The following ZSCAN20 variants were observed in gnomAD, a reference collection of about 807,000 sequenced individuals.
The protein encoded by ZSCAN20 is zinc finger and SCAN domain containing 20, also known as zinc finger and SCAN domain-containing protein 20.
Under a neutral mutation model 97.1 loss-of-function variants are expected in ZSCAN20, and 39 were observed. The observed-to-expected ratio is 0.40, with a 90% CI of 0.31 to 0.52. ZSCAN20 has a LOEUF of 0.52. Among genes scored for constraint, ZSCAN20 ranks in the 20% least tolerant of loss-of-function variants. The pLI is 0.49. For synonymous variants in ZSCAN20, 456 were observed against 467.3 expected (o/e 0.98, Z 0.31); for missense variants, 1,115 against 1,290.4 (o/e 0.86, Z 2.08).
At chr1:33,476,274 T>C (rs1651936618) in intron 1 of ZSCAN20, among the ~76,000 whole-genome samples, 1 of 152,166 alleles carries the variant, frequency 6.6e-6, no homozygotes, top group South Asian at 2.1e-4. Context: ...CTCCCCACAA[T>C]AGCCTGCTAT....
rs1652633568 is a variant in ZSCAN20, at chr1:33,491,872, G to A, written c.1444+170G>A. ...TCCAACTTTCTTTTCCCATGACCAA[G>A]TCTCTTTGCAAAAGTCTTCTTAGTT... On this transcript the variant is annotated intron_variant, in intron 6 of 7. Coordinates refer to ENST00000684572, the MANE Select transcript of ZSCAN20 (RefSeq NM_001377376.1). The surrounding 1 kb of genome is among the most constrained non-coding windows in gnomAD (Gnocchi z 4.3). 5.0e-6 allele frequency: 3 copies of A among 597,084 alleles called. No individual in the cohort carries two copies. The Admixed American group carries it at 1.1e-4, about 22-fold the overall frequency. 37.0% of individuals were successfully genotyped at this position (597,084 alleles called of 1,614,324 possible). A position where few individuals can be genotyped will look rare whatever the true frequency, so the allele number is the denominator to read the frequency against.
Position 33,499,967 on chromosome 1 carries a change from A to C in ZSCAN20, c.*4491A>C, listed in dbSNP as rs540700279. Among the ~76,000 whole-genome samples, 4 of 152,166 alleles carry C rather than the reference A, an allele frequency of 2.6e-5. No individual in the cohort carries two copies. The highest frequency in any genetic ancestry group is 9.6e-5 in the African/African-American group (4 of 41,522). On this transcript the variant is annotated 3_prime_UTR_variant, in exon 8 of 8. Coordinates refer to ENST00000684572, the MANE Select transcript of ZSCAN20 (RefSeq NM_001377376.1). The stretch of plus-strand genomic sequence containing the variant: ...TCAAGCCCCTGCCCCAATCTGCTAC[A>C]AGGGGTTAGTGTTCCATGCAGTGGG...
chr1:33,475,080 T>C (rs1247449680), intron 1 of ZSCAN20, among the ~76,000 whole-genome samples: 1 of 152,206 alleles, frequency 6.6e-6, no homozygotes, highest in Non-Finnish European at 1.5e-5. Context: ...GTCTGCTCAC[T>C]CCTGCCTTAA....
In ZSCAN20 at chr1:33,491,128, C is replaced by T. The variant is rs752052442; in HGVS notation, c.870C>T (p.Tyr290=). ...CTGGGAAAAGGAGCACTGCAGATTA[C>T]AGCCTGGATAATGAGCCAGCTCAGG... ...INSGKRSTAD[Y]SLDNEPAQAL... The change falls in exon 6 of 8, where the codon TAC becomes TAT. Residue 290 remains tyrosine, a synonymous_variant. Coordinates refer to ENST00000684572, the MANE Select transcript of ZSCAN20 (RefSeq NM_001377376.1). The surrounding 1 kb of genome is among the most constrained non-coding windows in gnomAD (Gnocchi z 4.3). 64 of 1,613,822 alleles carry T rather than the reference C, an allele frequency of 4.0e-5. No individual in the cohort carries two copies. The Admixed American group carries it at 7.8e-4, about 20-fold the overall frequency.
Position 33,489,197 on chromosome 1 carries a change from C to T in ZSCAN20, c.681+6C>T. 6.2e-7 allele frequency: 1 copy of T among 1,613,194 alleles called. No homozygotes were observed. The highest frequency in any genetic ancestry group is 1.1e-5 in the South Asian group (1 of 90,878). On this transcript the variant is annotated splice_donor_region_variant and intron_variant, in intron 4 of 7. Transcript: ENST00000684572. Reference sequence around the variant, plus strand: ...AGGTGACAGCTGAGTCCCAGGTAAGCTGTTACTCGTTCTTCCTTTCCTGTC... The same window carrying T: ...AGGTGACAGCTGAGTCCCAGGTAAGTTGTTACTCGTTCTTCCTTTCCTGTC...
In ZSCAN20 at chr1:33,497,059, C is replaced by T. The variant is rs1245596386; in HGVS notation, c.*1583C>T. Among the ~76,000 whole-genome samples the T allele has an allele frequency of 1.3e-5, 2 of 152,198 alleles. No individual in the cohort carries two copies. The highest frequency in any genetic ancestry group is 6.5e-5 in the Admixed American group (1 of 15,280). On this transcript the variant is annotated 3_prime_UTR_variant, in exon 8 of 8. Coordinates refer to ENST00000684572, the MANE Select transcript of ZSCAN20 (RefSeq NM_001377376.1). ...TATGACACTAGGATGTATTCATAACCTGCTTGGTTCATGGGCTGGGGAAGT... is the reference window on the plus strand; with the variant it reads ...TATGACACTAGGATGTATTCATAACTTGCTTGGTTCATGGGCTGGGGAAGT...
At position 33,479,297 on chromosome 1, in the gene ZSCAN20, G is replaced by C. The variant is rs1349858987; in HGVS notation, c.9G>C (p.Met3Ile). 2 of 1,605,482 alleles carry C rather than the reference G, an allele frequency of 1.2e-6. No individual in the cohort carries two copies. Among genetic ancestry groups the C allele is most frequent in the Non-Finnish European group, 1.7e-6 (2 of 1,175,308 alleles). Residue 3 changes from methionine to isoleucine, a missense_variant, in exon 2 of 8, where the codon ATG (methionine) becomes ATC (isoleucine). This residue lies in a region of ZSCAN20 where 508 missense variants were observed against 611.2 expected (regional missense o/e 0.83). Transcript: ENST00000684572. ...GGTGTCTGGGTTAGACAATGGCTAT[G>C]GCCCTGGAATTGCAAGCCCAGGCAT... MA[M>I]ALELQAQASP...
rs549655697 is a variant in ZSCAN20 at position 33,495,665 on chromosome 1, T to C, written c.*189T>C. ...CCAGATTTGAAGGCACTTTTAAGTGTAATTTGTTTTTCTTCTGTAAAGACC... is the reference window on the plus strand; with the variant it reads ...CCAGATTTGAAGGCACTTTTAAGTGCAATTTGTTTTTCTTCTGTAAAGACC... On this transcript the variant is annotated 3_prime_UTR_variant, in exon 8 of 8. Transcript: ENST00000684572. 49 of 479,996 alleles carry C rather than the reference T, an allele frequency of 1.0e-4. No homozygotes were observed. Among genetic ancestry groups the C allele is most frequent in the Non-Finnish European group, 1.4e-4 (42 of 290,280 alleles). 29.7% of individuals were successfully genotyped at this position (479,996 alleles called of 1,614,324 possible). A position where few individuals can be genotyped will look rare whatever the true frequency, so the allele number is the denominator to read the frequency against.
intron 4 of ZSCAN20, 118 bp from the exon 5 acceptor site, chr1:33,489,400 C>A: frequency 1.8e-6 from 2 of 1,116,448 alleles, no homozygotes; most frequent in Non-Finnish European, 2.6e-6. Flanking sequence ...CCTTATGATG[C>A]CAGCTTCACA....
intron 2 of ZSCAN20, among the ~76,000 whole-genome samples, chr1:33,481,015 A>G (rs1570548744): frequency 1.3e-5 from 2 of 152,214 alleles, no homozygotes; most frequent in East Asian, 3.9e-4. Context: ...GGTTTTCTGT[A>G]CATTTAAACT....
At chr1:33,475,579 C>T (rs1651890238) in intron 1 of ZSCAN20, among the ~76,000 whole-genome samples, 1 of 152,198 alleles carries the variant, frequency 6.6e-6, no homozygotes, top group African/African-American at 2.4e-5. Context: ...TCCTAGGTGC[C>T]ACCACCACAT....
chr1:33,476,141 G>A (rs923478073), intron 1 of ZSCAN20, among the ~76,000 whole-genome samples: 1 of 152,172 alleles, frequency 6.6e-6, no homozygotes, highest in African/African-American at 2.4e-5. Context: ...CTTAGAAATT[G>A]CTGGTCCTAA....
At chr1:33,483,199 C>T (rs1376912621) in intron 2 of ZSCAN20, among the ~76,000 whole-genome samples, 1 of 149,412 alleles carries the variant, frequency 6.7e-6, no homozygotes, top group Admixed American at 6.7e-5. Context: ...TTCATTTTAA[C>T]GTTAAGGTCT....
rs1206409793 is a variant in ZSCAN20 at position 33,501,523 on chromosome 1, C to T, written c.*6047C>T. ...TTTTATTTGGCTTTGCTTTCACTTC[C>T]CCATTTTCTGTTATTTTTTTTTTTT... On this transcript the variant is annotated 3_prime_UTR_variant, in exon 8 of 8. Transcript: ENST00000684572. 1.4e-5 allele frequency among the ~76,000 whole-genome samples: 2 copies of T among 145,676 alleles called. No individual in the cohort carries two copies. The highest frequency in any genetic ancestry group is 5.2e-5 in the African/African-American group (2 of 38,120).
At position 33,489,122 on chromosome 1, in the gene ZSCAN20, C is replaced by T. The variant is rs771393935; in HGVS notation, c.612C>T (p.Leu204=). 1.9e-6 allele frequency: 3 copies of T among 1,612,098 alleles called. No homozygotes were observed. Among genetic ancestry groups the T allele is most frequent in the Non-Finnish European group, 2.5e-6 (3 of 1,178,598 alleles). ...APQPLKESAV[L]TPRVPTLPKM... ...ACTTTTTCTTTTCCTCAGCTGTCCT[C>T]ACTCCCCGAGTCCCTACTCTCCCAA... is the stretch of plus-strand genomic sequence containing the variant. The change falls in exon 4 of 8, where the codon CTC becomes CTT. Residue 204 remains leucine (L), a synonymous_variant. Transcript: ENST00000684572.
chr1:33,488,699 A>C, intron 3 of ZSCAN20, 48 bp downstream of exon 3: 1 of 1,571,504 alleles, frequency 6.4e-7, no homozygotes, highest in Non-Finnish European at 8.6e-7. Context: ...TGCAGGGGAG[A>C]GGGATGGGAG....
rs769670597 is a variant in ZSCAN20 at position 33,479,541 on chromosome 1, C to A, written c.253C>A (p.Arg85Ser). The change falls in exon 2 of 8, where the codon CGT (arginine) becomes AGT (serine). Residue 85 changes from arginine to serine, a missense_variant. Arg to Ser is a moderately radical substitution (Grantham distance 110). Around this residue, in one of 3 missense-constraint regions of ZSCAN20, gnomAD observed 508 missense variants for 611.2 expected, o/e 0.83. Coordinates refer to ENST00000684572, the MANE Select transcript of ZSCAN20 (RefSeq NM_001377376.1). ...CTGTCGTTGGCTGAGGCCGGAGATCCGTCTCAAAGAGCAGATCCTGGAGCT... is the reference window on the plus strand; with the variant it reads ...CTGTCGTTGGCTGAGGCCGGAGATCAGTCTCAAAGAGCAGATCCTGGAGCT... The part of the protein sequence containing the change: ...LCCRWLRPEI[R>S]LKEQILELLV... The A allele has an allele frequency of 1.9e-6, 3 of 1,613,418 alleles. No homozygotes were observed. The highest frequency in any genetic ancestry group is 2.5e-6 in the Non-Finnish European group (3 of 1,179,542).
rs766823445 is a variant in ZSCAN20, at chr1:33,491,123, G to A, written c.865G>A (p.Asp289Asn). ...AAATTCTGGGAAAAGGAGCACTGCA[G>A]ATTACAGCCTGGATAATGAGCCAGC... Reference protein sequence around the residue: ...LINSGKRSTADYSLDNEPAQA... With the variant: ...LINSGKRSTANYSLDNEPAQA... Residue 289 changes from aspartate (D) to asparagine (N), a missense_variant, in exon 6 of 8, where the codon GAT (aspartate) becomes AAT (asparagine). By Grantham distance (23) the Asp-to-Asn change is conservative (BLOSUM62 1). Coordinates refer to ENST00000684572, the MANE Select transcript of ZSCAN20 (RefSeq NM_001377376.1). This position sits in a 1 kb window ranked among gnomAD's most constrained non-coding sequence, Gnocchi z 4.3. The A allele has an allele frequency of 3.4e-5, 55 of 1,614,002 alleles. No homozygotes were observed. The South Asian group carries it at 5.7e-4, about 17-fold the overall frequency.
chr1:33,481,708 AG>A (rs995723239), intron 2 of ZSCAN20, among the ~76,000 whole-genome samples: 2 of 152,194 alleles, frequency 1.3e-5, no homozygotes, highest in Non-Finnish European at 2.9e-5. Context: ...AACCTGAAAA[AG>A]GTTGGTGCCT....
Sources: allele counts gnomAD v4.1 joint callset (sites outside exome capture counted in the v4.1 genomes callset), GRCh38; gene constraint gnomAD v4.1.1; regional missense constraint gnomAD v4.1.1; non-coding constraint Gnocchi (gnomAD v3.1); transcripts MANE v1.5; gene names NCBI Gene and HGNC (gene_info 2026-07-23, HGNC 2026-07-21).